PEBP4: variants seen among roughly 807,000 people sequenced by gnomAD.
The protein encoded by PEBP4 is phosphatidylethanolamine-binding protein 4.
Under a neutral mutation model 23.9 loss-of-function variants are expected in PEBP4, and 22 were observed. The ratio of observed to expected loss-of-function variants is 0.92; its 90% CI spans 0.66 to 1.31. The LOEUF is 1.31. Ranked by LOEUF, PEBP4 falls within the 40% of genes most tolerant of loss-of-function variation. The pLI is 0.00. For synonymous variants in PEBP4, 112 were observed against 99.3 expected (o/e 1.13, Z -0.76); for missense variants, 324 against 281.7 (o/e 1.15, Z -1.07).
intron 1 of PEBP4, among the ~76,000 whole-genome samples, chr8:22,938,298 A>T (rs372481168): frequency 1.3e-5 from 2 of 151,782 alleles, no homozygotes; most frequent in African/African-American, 4.8e-5. Flanking sequence ...GCTCTCTCCC[A>T]CCTCTAGGCC....
At chr8:22,733,798 AGGGTGGG>A (rs1198042340) in intron 4 of PEBP4, among the ~76,000 whole-genome samples, 40 of 3,662 alleles carry the variant, frequency 0.011, no homozygotes, top group Non-Finnish European at 0.051. Context: ...GGGTTTGGGG[AGGGTGGG>A]GATGGGGGAA....
chr8:22,831,298 T>C (rs1807079485), intron 3 of PEBP4, among the ~76,000 whole-genome samples: 1 of 152,216 alleles, frequency 6.6e-6, no homozygotes. Flanking sequence ...AAGACATTAA[T>C]CAGCATAGTT....
intron 3 of PEBP4, among the ~76,000 whole-genome samples, chr8:22,877,285 A>G (rs1411953449): frequency 6.6e-6 from 1 of 152,138 alleles, no homozygotes; most frequent in Non-Finnish European, 1.5e-5. Flanking sequence ...TTGGAATAGA[A>G]AGATGATGGG....
intron 3 of PEBP4, among the ~76,000 whole-genome samples, chr8:22,867,638 C>T (rs1004090173): frequency 4.6e-5 from 7 of 152,184 alleles, no homozygotes; most frequent in Non-Finnish European, 1.0e-4. Flanking sequence ...ACAAGCCTGA[C>T]CCCTCCTCCA....
At chr8:22,829,379 T>C (rs1807035069) in intron 3 of PEBP4, among the ~76,000 whole-genome samples, 1 of 152,176 alleles carries the variant, frequency 6.6e-6, no homozygotes, top group Admixed American at 6.5e-5. Flanking sequence ...TTTCCAATAT[T>C]TCAAGCCTTC....
chr8:22,841,283 G>T (rs1428363890), intron 3 of PEBP4, among the ~76,000 whole-genome samples: 1 of 152,240 alleles, frequency 6.6e-6, no homozygotes, highest in Non-Finnish European at 1.5e-5. Context: ...GGTGGAAGCA[G>T]GATTTCTGTA....
intron 3 of PEBP4, among the ~76,000 whole-genome samples, chr8:22,860,194 A>ATATATATATATACATATATATATG (rs1807745023): frequency 1.4e-4 from 14 of 97,600 alleles, no homozygotes; most frequent in Non-Finnish European, 2.6e-4. Context: ...ATATATATGT[A>ATATATATATATACATATATATATG]TATATATATA....
At chr8:22,735,102 T>A (rs1271264285) in intron 4 of PEBP4, among the ~76,000 whole-genome samples, 3 of 152,174 alleles carry the variant, frequency 2.0e-5, no homozygotes, top group Non-Finnish European at 4.4e-5. Context: ...GATGGGTAGA[T>A]GAATGAATGA....
intron 3 of PEBP4, among the ~76,000 whole-genome samples, chr8:22,841,844 C>A (rs1413537381): frequency 6.6e-6 from 1 of 152,234 alleles, no homozygotes; most frequent in Non-Finnish European, 1.5e-5. Context: ...GGGAAGGAAA[C>A]ACACATATAT....
At chr8:22,810,483 C>T (rs955891642) in intron 4 of PEBP4, among the ~76,000 whole-genome samples, 1 of 152,094 alleles carries the variant, frequency 6.6e-6, no homozygotes, top group African/African-American at 2.4e-5. Flanking sequence ...GTGTCTGAGG[C>T]TCAAAGGACA....
chr8:22,836,349 A>G (rs530149672), intron 3 of PEBP4, among the ~76,000 whole-genome samples: 10 of 152,358 alleles, frequency 6.6e-5, no homozygotes, highest in African/African-American at 2.4e-4. Flanking sequence ...CAGAGGGTAG[A>G]GGGACAGATT....
At chr8:22,804,229 G>T (rs1255339901) in intron 4 of PEBP4, among the ~76,000 whole-genome samples, 1 of 152,182 alleles carries the variant, frequency 6.6e-6, no homozygotes, top group African/African-American at 2.4e-5. Flanking sequence ...TACTTAGGAG[G>T]CTGAGGCAGG....
At chr8:22,822,816 A>G (rs566781909) in intron 3 of PEBP4, among the ~76,000 whole-genome samples, 1 of 152,178 alleles carries the variant, frequency 6.6e-6, no homozygotes, top group Non-Finnish European at 1.5e-5. Context: ...TTGGATAGAA[A>G]AAGAAATACA....
chr8:22,926,950 A>G (rs1279525891), intron 2 of PEBP4, among the ~76,000 whole-genome samples: 3 of 152,148 alleles, frequency 2.0e-5, no homozygotes, highest in Non-Finnish European at 4.4e-5. Flanking sequence ...ATGACCCACA[A>G]GTCCACACAA....
At chr8:22,746,073 C>T (rs1805108883) in intron 4 of PEBP4, among the ~76,000 whole-genome samples, 1 of 152,146 alleles carries the variant, frequency 6.6e-6, no homozygotes, top group Non-Finnish European at 1.5e-5. Flanking sequence ...GAAAAATGCA[C>T]CCATCTCGTG....
Position 22,872,438 on chromosome 8 carries a change from G to A in PEBP4, c.258+47746C>T, listed in dbSNP as rs143480302. Among the ~76,000 whole-genome samples, 53 of 152,352 alleles carry A rather than the reference G, an allele frequency of 3.5e-4. No homozygotes were observed. In the East Asian group the frequency reaches 9.8e-3, roughly 28 times the overall value. On this transcript the variant is annotated intron_variant, in intron 3 of 6. Transcript: ENST00000256404. ...TTTGCACGAAGGTGCTGAGGATGCT[G>A]GCTGCAGCCCTGTGCAGTGGAACCT...
chr8:22,890,310 C>A (rs1334123898), intron 3 of PEBP4, among the ~76,000 whole-genome samples: 1 of 152,240 alleles, frequency 6.6e-6, no homozygotes, highest in Non-Finnish European at 1.5e-5. Flanking sequence ...CCCGCAATGG[C>A]ACATTTCTAC....
At chr8:22,817,566 G>A (rs78568759) in intron 4 of PEBP4, 71 bp downstream of exon 4, 37,493 of 1,385,782 alleles carry the variant, frequency 0.027, 612 homozygotes, top group South Asian at 0.041. Flanking sequence ...TGAGAGGTGG[G>A]AACTGCACTG....
In PEBP4 at chr8:22,906,031, G is replaced by A. The variant is rs889569539; in HGVS notation, c.258+14153C>T. ...GCAAGATGAAGAGTTTGAGGCAGCC[G>A]CTGACATTGCATATCCCCAAACACC... On this transcript the variant is annotated intron_variant, in intron 3 of 6. Transcript: ENST00000256404. Among the ~76,000 whole-genome samples the A allele has an allele frequency of 9.2e-5, 14 of 152,094 alleles. 1 individual carries two copies. Among genetic ancestry groups the A allele is most frequent in the African/African-American group, 2.4e-4 (10 of 41,394 alleles).
Sources: allele counts gnomAD v4.1 joint callset (sites outside exome capture counted in the v4.1 genomes callset), GRCh38; gene constraint gnomAD v4.1.1; transcripts MANE v1.5; gene names NCBI Gene and HGNC (gene_info 2026-07-23, HGNC 2026-07-21).